The following CSN1S1 variants were observed in gnomAD, a reference collection of about 807,000 sequenced individuals.
CSN1S1 encodes the protein alpha-S1-casein.
In CSN1S1, 63 loss-of-function variants were observed where a neutral mutation model predicts 49.1. That is an observed-to-expected ratio of 1.28 (90% confidence interval 1.05 to 1.58). The LOEUF (loss-of-function observed/expected upper bound fraction) is 1.58, where lower values mean the gene tolerates loss of function less well. CSN1S1 is among the 40% of genes most tolerant of loss of function. The pLI is 0.00. For synonymous variants in CSN1S1, 78 were observed against 67.1 expected, an observed-to-expected ratio of 1.16 and a Z score of -0.79; for missense variants, 260 against 224.7, an observed-to-expected ratio of 1.16 and a Z score of -1.01.
intron 4 of CSN1S1, 41 bp from the exon 5 acceptor site, chr4:69,935,885 T>G: frequency 7.7e-7 from 1 of 1,292,260 alleles, no homozygotes; most frequent in Non-Finnish European, 1.1e-6. Context: ...GATAGATAAC[T>G]CAACTATGAA....
intron 8 of CSN1S1, 41 bp from the exon 9 acceptor site, chr4:69,937,759 T>G: frequency 6.6e-7 from 1 of 1,516,788 alleles, no homozygotes; most frequent in Non-Finnish European, 9.0e-7. Flanking sequence ...ATTTGACTAT[T>G]TGTCATGAAA....
At position 69,936,543 on chromosome 4, in the gene CSN1S1, A is replaced by G. The variant is rs1451561230; in HGVS notation, c.154-23A>G. 6 of 1,604,864 alleles carry G rather than the reference A, an allele frequency of 3.7e-6. No individual in the cohort carries two copies. In the African/African-American group the frequency reaches 5.4e-5, roughly 14 times the overall value. On this transcript the variant is annotated intron_variant, in intron 6 of 15. Coordinates refer to ENST00000246891, the MANE Select transcript of CSN1S1 (RefSeq NM_001890.2). Reference sequence around the variant, plus strand: ...TTGTTTTCATGAAAACATATTTTACAAGGTACACTTTATTGATTTTAGCAG... The same window carrying G: ...TTGTTTTCATGAAAACATATTTTACGAGGTACACTTTATTGATTTTAGCAG...
intron 5 of CSN1S1, 139 bp from the exon 6 acceptor site, chr4:69,936,317 G>A: frequency 1.4e-6 from 1 of 723,352 alleles, no homozygotes; most frequent in African/African-American, 1.8e-5. Context: ...ATATAATAAG[G>A]AATATTAGTT....
Position 69,932,584 on chromosome 4 carries a change from T to G in CSN1S1, c.29T>G (p.Val10Gly). ...AGGCTTCTCATTCTCACCTGTCTTGTGGCTGTTGCTCTTGCCAGGCCTGTA... is the reference window on the plus strand; with the variant it reads ...AGGCTTCTCATTCTCACCTGTCTTGGGGCTGTTGCTCTTGCCAGGCCTGTA... MRLLILTCL[V>G]AVALARPKLP... Residue 10 changes from valine (V) to glycine (G), a missense_variant, in exon 2 of 16, where the codon GTG becomes GGG. Val to Gly is a moderately radical substitution (Grantham distance 109). Coordinates refer to ENST00000246891, the MANE Select transcript of CSN1S1 (RefSeq NM_001890.2). 1 of 1,602,906 alleles carries G rather than the reference T, an allele frequency of 6.2e-7. No homozygotes were observed. The highest frequency in any genetic ancestry group is 8.5e-7 in the Non-Finnish European group (1 of 1,173,578).
At chr4:69,932,387 T>C (rs1371808676) in intron 1 of CSN1S1, among the ~76,000 whole-genome samples, 157 bp from the exon 2 acceptor site, 1 of 151,964 alleles carries the variant, frequency 6.6e-6, no homozygotes, top group Non-Finnish European at 1.5e-5. Context: ...TAGTAAAGTT[T>C]TTAAAATCTT....
intron 8 of CSN1S1, among the ~76,000 whole-genome samples, 167 bp downstream of exon 8, chr4:69,937,311 C>T (rs1262475611): frequency 1.3e-5 from 2 of 150,232 alleles, no homozygotes; most frequent in Non-Finnish European, 3.0e-5. Context: ...CAAACCAACA[C>T]AAATATTTTA....
chr4:69,932,793 G>C (rs1005494025), intron 2 of CSN1S1, among the ~76,000 whole-genome samples, 187 bp downstream of exon 2: 13 of 151,892 alleles, frequency 8.6e-5, no homozygotes, highest in African/African-American at 3.1e-4. Context: ...AGTCCACTGA[G>C]AGCCTTAACT....
At position 69,946,237 on chromosome 4, in the gene CSN1S1, GA is replaced by G; in HGVS notation, c.*45del. ...CATTCTCTGAATTTCTCCTCTCAAGGAAAACCATCTTATCTGAAGACTGGAC... is the reference window on the plus strand; with the variant it reads ...CATTCTCTGAATTTCTCCTCTCAAGGAAACCATCTTATCTGAAGACTGGAC... On this transcript the variant is annotated 3_prime_UTR_variant, in exon 16 of 16. Coordinates refer to ENST00000246891, the MANE Select transcript of CSN1S1 (RefSeq NM_001890.2). 2.0e-6 allele frequency: 1 copy of G among 508,582 alleles called. No homozygotes were observed. Among genetic ancestry groups the G allele is most frequent in the Non-Finnish European group, 3.6e-6 (1 of 274,706 alleles). The allele number at this position is 508,582 out of a possible 1,614,324, so 31.5% of individuals were successfully genotyped here.
chr4:69,936,793 A>T (rs1722801864), intron 7 of CSN1S1, among the ~76,000 whole-genome samples, 186 bp downstream of exon 7: 1 of 151,992 alleles, frequency 6.6e-6, no homozygotes, highest in East Asian at 1.9e-4. Context: ...TCATTGACTT[A>T]ATTGTGCAAC....
At chr4:69,939,757 T>G (rs1432921882) in intron 10 of CSN1S1, among the ~76,000 whole-genome samples, 2 of 151,788 alleles carry the variant, frequency 1.3e-5, no homozygotes, top group Non-Finnish European at 2.9e-5. Flanking sequence ...AAGTGGGGTT[T>G]CTGTTAATTG....
intron 2 of CSN1S1, 96 bp from the exon 3 acceptor site, chr4:69,934,116 C>A: frequency 2.4e-6 from 2 of 833,526 alleles, no homozygotes; most frequent in Non-Finnish European, 3.8e-6. Flanking sequence ...TTGAAAATGG[C>A]AGTGTCAAAA....
At chr4:69,941,607 G>C (rs1236438427) in intron 12 of CSN1S1, among the ~76,000 whole-genome samples, 1 of 151,796 alleles carries the variant, frequency 6.6e-6, no homozygotes, top group Non-Finnish European at 1.5e-5. Flanking sequence ...CGTAATGAAG[G>C]CTTTGGGAAA....
intron 10 of CSN1S1, among the ~76,000 whole-genome samples, chr4:69,939,816 G>A (rs1722916473): frequency 6.6e-6 from 1 of 151,732 alleles, no homozygotes; most frequent in African/African-American, 2.4e-5. Context: ...GAGCAATGTA[G>A]TGGTTAAAGC....
rs989970681 is a variant in CSN1S1 at position 69,932,601 on chromosome 4, A to C, written c.46A>C (p.Arg16=). ...CTGTCTTGTGGCTGTTGCTCTTGCC[A>C]GGCCTGTAAGTTCAGTAGAGAATTT... ...LTCLVAVALA[R]PKLPLRYPER... is the part of the protein sequence containing the mutation. Residue 16 remains arginine, a synonymous_variant, in exon 2 of 16, where the codon AGG becomes CGG. Transcript: ENST00000246891. The C allele has an allele frequency of 1.9e-6, 3 of 1,597,308 alleles. No individual in the cohort carries two copies. The Admixed American group carries it at 5.1e-5, about 27-fold the overall frequency.
chr4:69,933,192 C>A (rs1722663799), intron 2 of CSN1S1, among the ~76,000 whole-genome samples: 1 of 151,810 alleles, frequency 6.6e-6, no homozygotes, highest in Non-Finnish European at 1.5e-5. Context: ...ATTAAAATTA[C>A]CTTTCTTCTC....
At chr4:69,940,990 C>A (rs1359882055) in intron 11 of CSN1S1, 29 bp from the exon 12 acceptor site, 20 of 1,275,086 alleles carry the variant, frequency 1.6e-5, no homozygotes, top group Middle Eastern at 3.7e-4. Context: ...GACATCCAAG[C>A]AATTGAGAAT....
rs184011041 is a variant in CSN1S1 at position 69,940,044 on chromosome 4, G to A, written c.300G>A (p.Ala100=). The part of the protein sequence containing the change: ...SSEEMSLSKC[A]EQFCRLNEYN... ...AGGAAATGTCTCTCAGTAAGTGTGC[G>A]GTAAGACATATTTGCTAAATTTAAA... Residue 100 remains alanine, a splice_region_variant and synonymous_variant, in exon 11 of 16, where the codon GCG becomes GCA. Transcript: ENST00000246891. The A allele has an allele frequency of 2.6e-4, 357 of 1,377,534 alleles. 1 individual carries two copies. The highest frequency in any genetic ancestry group is 3.1e-4 in the Non-Finnish European group (318 of 1,024,212). 85.3% of individuals were successfully genotyped at this position (1,377,534 alleles called of 1,614,324 possible). A position where few individuals can be genotyped will look rare whatever the true frequency, so the allele number is the denominator to read the frequency against.
chr4:69,939,249 A>T (rs748842889), intron 10 of CSN1S1, 41 bp downstream of exon 10: 48 of 1,469,114 alleles, frequency 3.3e-5, no homozygotes, highest in African/African-American at 1.7e-4. Flanking sequence ...CAACTAATTT[A>T]AAAAATTATG....
At chr4:69,937,301 C>G (rs1722817992) in intron 8 of CSN1S1, among the ~76,000 whole-genome samples, 157 bp downstream of exon 8, 1 of 150,044 alleles carries the variant, frequency 6.7e-6, no homozygotes, top group Non-Finnish European at 1.5e-5. Context: ...CCAGAATAAC[C>G]AAACCAACAC....
Sources: allele counts gnomAD v4.1 joint callset (sites outside exome capture counted in the v4.1 genomes callset), GRCh38; gene constraint gnomAD v4.1.1; transcripts MANE v1.5; gene names NCBI Gene and HGNC (gene_info 2026-07-23, HGNC 2026-07-21).